The following CELF2 variants were observed in gnomAD, a reference collection of about 807,000 sequenced individuals.
The protein encoded by CELF2 is CUG triplet repeat RNA-binding protein 2.
Under a neutral mutation model 62.6 loss-of-function variants are expected in CELF2, and 8 were observed. The ratio of observed to expected loss-of-function variants is 0.13; its 90% CI spans 0.07 to 0.23. The LOEUF (loss-of-function observed/expected upper bound fraction) is 0.23, where lower values mean the gene tolerates loss of function less well. Among genes scored for constraint, CELF2 ranks in the 10% least tolerant of loss-of-function variants. CELF2 has a pLI of 1.00. For missense variants in CELF2, 333 were observed against 671.0 expected, an observed-to-expected ratio of 0.50 and a Z score of 5.56; for synonymous variants, 258 against 250.0, an observed-to-expected ratio of 1.03 and a Z score of -0.30.
intron 1 of CELF2, among the ~76,000 whole-genome samples, chr10:11,084,279 C>T (rs995139301): frequency 5.9e-5 from 9 of 152,152 alleles, no homozygotes; most frequent in Admixed American, 5.9e-4. Flanking sequence ...CTCTTGTGTT[C>T]AGGGTCTTGT....
intron 1 of CELF2, among the ~76,000 whole-genome samples, chr10:11,152,530 T>C (rs2063531679): frequency 6.6e-6 from 1 of 152,232 alleles, no homozygotes; most frequent in South Asian, 2.1e-4. Flanking sequence ...TACAAAATTA[T>C]CCTTTTAACT....
At chr10:10,796,317 G>T (rs540494238), upstream of CELF2, among the ~76,000 whole-genome samples, 1 of 152,172 alleles carries the variant, frequency 6.6e-6, no homozygotes, top group African/African-American at 2.4e-5. Flanking sequence ...AATTAGAACC[G>T]TTCCTAGTAC....
intron 4 of CELF2, among the ~76,000 whole-genome samples, chr10:11,254,475 G>A (rs539286028): frequency 6.6e-6 from 1 of 152,160 alleles, no homozygotes; most frequent in Non-Finnish European, 1.5e-5. Context: ...CTTTCTTCTT[G>A]TTGCCTGGCT....
chr10:10,463,433 T>C, the CELF2 span, among the ~76,000 whole-genome samples: 1 of 152,208 alleles, frequency 6.6e-6, no homozygotes, highest in Non-Finnish European at 1.5e-5. Context: ...GACCGTTGGC[T>C]ATAAGATAAA....
chr10:10,776,960 C>T, the CELF2 span, among the ~76,000 whole-genome samples: 6 of 152,242 alleles, frequency 3.9e-5, no homozygotes, highest in South Asian at 8.3e-4. Flanking sequence ...CTATGCCATT[C>T]GGCCAATCAC....
intron 1 of CELF2, chr10:11,105,342 C>T (rs557426185): frequency 6.6e-6 from 1 of 152,238 alleles, no homozygotes; most frequent in South Asian, 2.1e-4. Flanking sequence ...TTTCCTCATC[C>T]GTAGAATGGA....
the CELF2 span, among the ~76,000 whole-genome samples, chr10:10,578,394 T>C: frequency 1.3e-5 from 2 of 152,236 alleles, no homozygotes; most frequent in Non-Finnish European, 2.9e-5. Flanking sequence ...TTTTGGCTTT[T>C]GTTGCCACTG....
chr10:10,944,535 G>A (rs2047431343), intron 2 of CELF2, among the ~76,000 whole-genome samples: 2 of 152,124 alleles, frequency 1.3e-5, no homozygotes, highest in African/African-American at 2.4e-5. Flanking sequence ...TTTAGAGGGG[G>A]CAAGAGAGGT....
the CELF2 span, among the ~76,000 whole-genome samples, chr10:10,510,649 C>T: frequency 1.3e-5 from 2 of 152,154 alleles, no homozygotes; most frequent in East Asian, 1.9e-4. Flanking sequence ...TGCCCCTGTC[C>T]TCTTGGAGCT....
intron 3 of CELF2, among the ~76,000 whole-genome samples, chr10:11,235,878 C>T (rs1589568428): frequency 6.6e-6 from 1 of 151,826 alleles, no homozygotes; most frequent in African/African-American, 2.4e-5. Context: ...TTTGCTTAAA[C>T]GTGAGTAAGA....
chr10:11,290,524 T>TAAA lies in CELF2; in HGVS notation c.976+1986_976+1988dup, dbSNP rs56348502. Among the ~76,000 whole-genome samples the TAAA allele has an allele frequency of 2.7e-4, 38 of 141,758 alleles. 1 individual carries two copies. The highest frequency in any genetic ancestry group is 2.0e-3 in the Admixed American group (29 of 14,508). 93.0% of individuals were successfully genotyped at this position (141,758 alleles called of 152,430 possible). A position where few individuals can be genotyped will look rare whatever the true frequency, so the allele number is the denominator to read the frequency against. ...CCTGGGCGACGAGCGAGACTCCGTC[T>TAAA]AAAAAAAAAAAAAAAATGTGGGCCA... On this transcript the variant is annotated intron_variant, in intron 9 of 12. Coordinates refer to ENST00000633077, the MANE Select transcript of CELF2 (RefSeq NM_001326342.2). The surrounding 1 kb of genome is among the most constrained non-coding windows in gnomAD (Gnocchi z 4.3).
chr10:10,796,997 A>T, upstream of CELF2: 1 of 519,966 alleles, frequency 1.9e-6, no homozygotes, highest in Non-Finnish European at 2.5e-6. Context: ...TGACTGCTAA[A>T]GAGAAAACAA....
At chr10:10,773,343 CT>C in the CELF2 span, among the ~76,000 whole-genome samples, 1 of 152,186 alleles carries the variant, frequency 6.6e-6, no homozygotes, top group African/African-American at 2.4e-5. Flanking sequence ...AGAAATTCTC[CT>C]GTAACTTTTC....
Position 11,101,731 on chromosome 10 carries a change from C to T in CELF2, c.75-63755C>T, listed in dbSNP as rs538350336. Reference sequence around the variant, plus strand: ...GTAGCACAACGGAAACACTTGTAACCTCTGCATACCAAGCATCATTTCTCC... The same window carrying T: ...GTAGCACAACGGAAACACTTGTAACTTCTGCATACCAAGCATCATTTCTCC... On this transcript the variant is annotated intron_variant, in intron 1 of 12. Coordinates refer to ENST00000633077, the MANE Select transcript of CELF2 (RefSeq NM_001326342.2). 5.9e-5 allele frequency among the ~76,000 whole-genome samples: 9 copies of T among 152,302 alleles called. No individual in the cohort carries two copies. The East Asian group carries it at 1.5e-3, about 26-fold the overall frequency.
rs183405708 is a variant in CELF2, at chr10:11,187,638, A to G, written c.271+21956A>G. Among the ~76,000 whole-genome samples the G allele has an allele frequency of 4.7e-5, 7 of 149,056 alleles. No individual in the cohort carries two copies. The East Asian group carries it at 1.4e-3, about 29-fold the overall frequency. ...TTACTTCAAATTACTTTTTCATTTT[A>G]CCTTCTTTGTTGGCTTACTAGTTAT... On this transcript the variant is annotated intron_variant, in intron 2 of 12. Coordinates refer to ENST00000633077, the MANE Select transcript of CELF2 (RefSeq NM_001326342.2).
At position 11,019,603 on chromosome 10, in the gene CELF2, A is replaced by AG. The variant is rs971203146; in HGVS notation, c.74+1446dup. Among the ~76,000 whole-genome samples, 9 of 151,954 alleles carry AG rather than the reference A, an allele frequency of 5.9e-5. No individual in the cohort carries two copies. In the South Asian group the frequency reaches 1.9e-3, roughly 32 times the overall value. On this transcript the variant is annotated intron_variant, in intron 1 of 12. Transcript: ENST00000633077. ...AAGGACCTCCCCACCAAAAAAAAGG[A>AG]GGGGGGTGGAGGAGGGGGATGATAG...
intron 1 of CELF2, among the ~76,000 whole-genome samples, chr10:11,044,126 C>G (rs955919740): frequency 6.6e-6 from 1 of 152,174 alleles, no homozygotes; most frequent in Non-Finnish European, 1.5e-5. Flanking sequence ...TGACTATCAT[C>G]TCAAAAAAAC....
intron 1 of CELF2, among the ~76,000 whole-genome samples, chr10:10,854,085 A>G (rs1232601205): frequency 2.0e-5 from 3 of 152,172 alleles, no homozygotes; most frequent in Non-Finnish European, 2.9e-5. Context: ...TCCTGGTGTA[A>G]ATATGTATTT....
At position 10,928,059 on chromosome 10, in the gene CELF2, A is replaced by G. The variant is rs1317456100; in HGVS notation, c.89+8060A>G. On this transcript the variant is annotated intron_variant, in intron 2 of 13. Coordinates refer to the CELF2 transcript ENST00000636488. The surrounding 1 kb of genome is among the most constrained non-coding windows in gnomAD (Gnocchi z 4.8). ...TTCTGACACACCGGCCTTTCTCCGC[A>G]CTTACTTCCACAGAAAGTTCTCCTT... Among the ~76,000 whole-genome samples the G allele has an allele frequency of 6.6e-6, 1 of 152,056 alleles. No individual in the cohort carries two copies. The highest frequency in any genetic ancestry group is 1.5e-5 in the Non-Finnish European group (1 of 68,028).
Sources: allele counts gnomAD v4.1 joint callset (sites outside exome capture counted in the v4.1 genomes callset), GRCh38; gene constraint gnomAD v4.1.1; non-coding constraint Gnocchi (gnomAD v3.1); transcripts MANE v1.5; gene names NCBI Gene and HGNC (gene_info 2026-07-23, HGNC 2026-07-21).